The following ERC1 variants were observed in gnomAD, a reference collection of about 807,000 sequenced individuals.
ERC1 encodes RAB6 interacting protein 2.
A neutral mutation model predicts 132.0 loss-of-function variants in ERC1; 56 were observed. The ratio of observed to expected loss-of-function variants is 0.42; its 90% confidence interval spans 0.34 to 0.53. ERC1 has a LOEUF of 0.53. Among genes scored for constraint, ERC1 ranks in the 20% least tolerant of loss-of-function variants. ERC1 has a pLI of 0.03. For synonymous variants in ERC1, 478 were observed against 476.1 expected (o/e 1.00, Z -0.05); for missense variants, 1,202 against 1,349.9 (o/e 0.89, Z 1.72).
At chr12:1,412,279 A>G (rs2091894435) in intron 17 of ERC1, among the ~76,000 whole-genome samples, 1 of 152,238 alleles carries the variant, frequency 6.6e-6, no homozygotes, top group Non-Finnish European at 1.5e-5. Flanking sequence ...TTGACGATTT[A>G]CCTTATCAAA....
intron 18 of ERC1, among the ~76,000 whole-genome samples, chr12:1,488,819 C>T (rs2094281814): frequency 6.6e-6 from 1 of 152,176 alleles, no homozygotes; most frequent in Non-Finnish European, 1.5e-5. Flanking sequence ...CACTTGACAC[C>T]TCCTCCTTTT....
At chr12:1,081,918 T>C (rs1942251517) in intron 2 of ERC1, among the ~76,000 whole-genome samples, 1 of 151,968 alleles carries the variant, frequency 6.6e-6, no homozygotes, top group Non-Finnish European at 1.5e-5. Flanking sequence ...ACATAAAAAA[T>C]GTGTGGTACA....
At chr12:1,310,114 A>G (rs1475367420) in intron 15 of ERC1, among the ~76,000 whole-genome samples, 2 of 151,798 alleles carry the variant, frequency 1.3e-5, no homozygotes, top group African/African-American at 4.8e-5. Context: ...TGCCTGGCTA[A>G]TTTTTTGTAT....
intron 13 of ERC1, 85 bp downstream of exon 13, chr12:1,236,989 T>C (rs2075460454): frequency 1.3e-6 from 2 of 1,490,276 alleles, no homozygotes; most frequent in Non-Finnish European, 1.8e-6. Flanking sequence ...ATCTTTATCC[T>C]CCTCTTTTTT....
At chr12:1,034,937 C>T (rs561014695) in intron 2 of ERC1, among the ~76,000 whole-genome samples, 4 of 152,174 alleles carry the variant, frequency 2.6e-5, no homozygotes, top group Non-Finnish European at 4.4e-5. Flanking sequence ...GTGAACACCG[C>T]CTTATCTAGA....
chr12:1,008,443 A>AT (rs1375840863), intron 1 of ERC1, among the ~76,000 whole-genome samples: 4 of 151,932 alleles, frequency 2.6e-5, no homozygotes, highest in East Asian at 3.9e-4. Flanking sequence ...TATTTACATA[A>AT]TTTTTTTTAA....
chr12:1,219,943 A>G (rs893476049), intron 12 of ERC1, among the ~76,000 whole-genome samples: 4 of 152,216 alleles, frequency 2.6e-5, no homozygotes, highest in Non-Finnish European at 5.9e-5. Flanking sequence ...CATCATACAC[A>G]GTGAAACCCA....
intron 15 of ERC1, among the ~76,000 whole-genome samples, chr12:1,311,465 T>C (rs73032730): frequency 3.3e-5 from 5 of 152,382 alleles, no homozygotes; most frequent in Non-Finnish European, 7.3e-5. Context: ...AAGAGAGATA[T>C]GCCTTTGATC....
At chr12:1,001,010 T>G (rs1287878180) in intron 1 of ERC1, among the ~76,000 whole-genome samples, 1 of 152,116 alleles carries the variant, frequency 6.6e-6, no homozygotes, top group Admixed American at 6.6e-5. Context: ...TTCAAGCGAT[T>G]CTCCTGCCTC....
chr12:1,432,721 T>C (rs956068727), intron 17 of ERC1, among the ~76,000 whole-genome samples: 2 of 152,204 alleles, frequency 1.3e-5, no homozygotes, highest in African/African-American at 4.8e-5. Context: ...TAACAGACCC[T>C]GGAATCAAGC....
intron 16 of ERC1, 98 bp downstream of exon 16, chr12:1,372,075 A>G (rs2087306361): frequency 5.1e-6 from 7 of 1,372,794 alleles, no homozygotes; most frequent in Non-Finnish European, 6.9e-6. Context: ...CTCATGTTTC[A>G]TATTAGACAT....
intron 16 of ERC1, chr12:1,390,869 C>T (rs906257118): frequency 7.9e-5 from 12 of 152,174 alleles, no homozygotes; most frequent in African/African-American, 2.4e-4. Flanking sequence ...CATCCCACTC[C>T]AGGAATGGAG....
rs117604994 is a variant in ERC1, at chr12:1,331,601, T to G, written c.2781-40232T>G. The stretch of plus-strand genomic sequence containing the variant: ...CTGTTCTTGAATCCATCTGCTTGAT[T>G]CGTTATGCCCTGATCCTAACAAATA... On this transcript the variant is annotated intron_variant, in intron 15 of 18. Transcript: ENST00000360905. Among the ~76,000 whole-genome samples, 804 of 152,264 alleles carry G rather than the reference T, an allele frequency of 5.3e-3. 9 individuals are homozygous for G. Among genetic ancestry groups the G allele is most frequent in the Non-Finnish European group, 7.1e-3 (484 of 68,010 alleles).
chr12:1,032,473 C>CT lies in ERC1; in HGVS notation c.669+3904dup, dbSNP rs563146695. Among the ~76,000 whole-genome samples the CT allele has an allele frequency of 2.6e-5, 4 of 152,284 alleles. No homozygotes were observed. The South Asian group carries it at 8.3e-4, about 32-fold the overall frequency. ...GACCATTTGCTCAGTGTGTCTCATC[C>CT]TTTATTCTACCACTTTATATCTCAG... On this transcript the variant is annotated intron_variant, in intron 2 of 18. Transcript: ENST00000360905.
intron 16 of ERC1, among the ~76,000 whole-genome samples, chr12:1,400,225 CT>C (rs1228794519): frequency 6.6e-6 from 1 of 152,134 alleles, no homozygotes; most frequent in African/African-American, 2.4e-5. Flanking sequence ...ATTTGTGAAT[CT>C]TCTTTGTTGA....
chr12:1,003,790 A>G (rs1487263643), intron 1 of ERC1, among the ~76,000 whole-genome samples: 2 of 152,224 alleles, frequency 1.3e-5, no homozygotes, highest in African/African-American at 4.8e-5. Flanking sequence ...GTCGGCAGAA[A>G]GAAGAATAAG....
At chr12:1,473,629 C>CAAAA (rs34619342) in intron 18 of ERC1, among the ~76,000 whole-genome samples, 1 of 92,646 alleles carries the variant, frequency 1.1e-5, no homozygotes, top group African/African-American at 4.6e-5. Flanking sequence ...GACTCTATCT[C>CAAAA]AAAAAAAAAA....
rs74876725 is a variant in ERC1, at chr12:1,428,505, T to C, written c.3025-16057T>C. Among the ~76,000 whole-genome samples, 103 of 152,304 alleles carry C rather than the reference T, an allele frequency of 6.8e-4. 2 individuals carry two copies. In the East Asian group the frequency reaches 8.1e-3, roughly 12 times the overall value. On this transcript the variant is annotated intron_variant, in intron 17 of 18. Coordinates refer to ENST00000360905, the MANE Select transcript of ERC1 (RefSeq NM_178040.4). ...ACCTAGTGTGCCTTCTAGAATGTTA[T>C]ATCATGAAGTTCGTTACTCACCCCC...
intron 2 of ERC1, among the ~76,000 whole-genome samples, chr12:1,070,785 G>A (rs1408287850): frequency 6.6e-6 from 1 of 152,136 alleles, no homozygotes; most frequent in Admixed American, 6.5e-5. Flanking sequence ...CAACACCCGT[G>A]TAATCCACAA....
Sources: gnomAD v4.1 joint callset for allele counts (sites outside exome capture counted in the v4.1 genomes callset) on GRCh38, gnomAD v4.1.1 for gene constraint, MANE v1.5 for transcripts, NCBI Gene and HGNC (gene_info 2026-07-23, HGNC 2026-07-21) for gene names.